Variants in SNTG1 observed in about 807,000 individuals in gnomAD.
SNTG1 encodes the protein gamma-1-syntrophin.
SNTG1 carries 39 observed loss-of-function variants against 74.7 expected under a neutral mutation model. The ratio of observed to expected loss-of-function variants is 0.52; its 90% CI spans 0.40 to 0.68. The LOEUF is 0.68. Ranked by LOEUF, SNTG1 falls within the 30% of genes least tolerant of loss-of-function variation. The probability of loss-of-function intolerance (pLI) is 0.00; values close to 1 mark genes in which losing one functional copy is unlikely to be tolerated. For synonymous variants in SNTG1, 254 were observed against 217.1 expected, an observed-to-expected ratio of 1.17 and a Z score of -1.49; for missense variants, 685 against 609.5, an observed-to-expected ratio of 1.12 and a Z score of -1.30.
chr8:50,181,445 G>A (rs1032330238), intron 2 of SNTG1, among the ~76,000 whole-genome samples: 5 of 152,166 alleles, frequency 3.3e-5, no homozygotes, highest in Non-Finnish European at 5.9e-5. Context: ...GTTAGCACGT[G>A]CATCAGTCCT....
intron 2 of SNTG1, among the ~76,000 whole-genome samples, chr8:50,337,990 G>A (rs1587201690): frequency 6.6e-6 from 1 of 151,976 alleles, no homozygotes; most frequent in South Asian, 2.1e-4. Context: ...CAAAAAGTTA[G>A]CCGGGCTTGG....
At chr8:50,565,910 T>C (rs1186367400) in intron 12 of SNTG1, among the ~76,000 whole-genome samples, 2 of 151,834 alleles carry the variant, frequency 1.3e-5, no homozygotes, top group Non-Finnish European at 2.9e-5. Context: ...GCAGAGGTAA[T>C]AAAAGGTACC....
intron 2 of SNTG1, among the ~76,000 whole-genome samples, chr8:50,199,202 A>T (rs1478444178): frequency 6.7e-6 from 1 of 149,322 alleles, no homozygotes; most frequent in Non-Finnish European, 1.5e-5. Flanking sequence ...AAACACAACG[A>T]TTAGGACTTA....
intron 1 of SNTG1, among the ~76,000 whole-genome samples, chr8:49,949,352 A>C (rs1170804508): frequency 1.3e-5 from 2 of 152,236 alleles, no homozygotes; most frequent in Non-Finnish European, 2.9e-5. Context: ...ATTGAAAATC[A>C]AGATGAATAC....
At position 50,795,592 on chromosome 8, in the gene SNTG1, TGTAA is replaced by T. The variant is rs1356678098; in HGVS notation, c.*2766_*2769del. On this transcript the variant is annotated 3_prime_UTR_variant, in exon 19 of 19. Transcript: ENST00000642720. Reference sequence around the variant, plus strand: ...GTGTGTCTGTGTATGTGTGTGAGTGTGTAAGTGTTATCATTAAAGGGTTCATTAC... The same window carrying T: ...GTGTGTCTGTGTATGTGTGTGAGTGTGTGTTATCATTAAAGGGTTCATTAC... 6.6e-5 allele frequency: 10 copies of T among 152,044 alleles called. No homozygotes were observed. The highest frequency in any genetic ancestry group is 6.6e-4 in the Admixed American group (10 of 15,224). 9.4% of individuals were successfully genotyped at this position (152,044 alleles called of 1,614,324 possible).
intron 5 of SNTG1, among the ~76,000 whole-genome samples, chr8:50,440,559 G>T (rs1293993846): frequency 6.6e-6 from 1 of 152,014 alleles, no homozygotes. Context: ...ATCATTCTAG[G>T]CTAGAAGCAG....
chr8:50,116,862 G>C (rs893514887), intron 1 of SNTG1, among the ~76,000 whole-genome samples: 31 of 152,056 alleles, frequency 2.0e-4, no homozygotes, highest in African/African-American at 7.2e-4. Flanking sequence ...GACTCTACCT[G>C]ACCATGGCAT....
chr8:50,728,704 T>G (rs934203967), intron 17 of SNTG1, among the ~76,000 whole-genome samples: 9 of 152,168 alleles, frequency 5.9e-5, no homozygotes, highest in Admixed American at 2.6e-4. Flanking sequence ...GCATTCTTTA[T>G]GCCAATGACA....
intron 3 of SNTG1, among the ~76,000 whole-genome samples, chr8:50,395,075 T>A (rs148042986): frequency 1.1e-3 from 165 of 152,310 alleles, no homozygotes; most frequent in African/African-American, 3.5e-3. Context: ...TTGTGAAGAC[T>A]GTTACTTTAG....
At chr8:50,135,810 G>A (rs1297599716) in intron 1 of SNTG1, among the ~76,000 whole-genome samples, 1 of 152,130 alleles carries the variant, frequency 6.6e-6, no homozygotes, top group South Asian at 2.1e-4. Context: ...TAGGTAAACT[G>A]CATGTTGCAG....
chr8:50,631,932 C>T (rs948916374), intron 13 of SNTG1, among the ~76,000 whole-genome samples: 4 of 152,160 alleles, frequency 2.6e-5, no homozygotes, highest in African/African-American at 9.7e-5. Context: ...CTCACGTCTG[C>T]TATATTTTAC....
chr8:50,416,265 A>G (rs1304345707), intron 4 of SNTG1, among the ~76,000 whole-genome samples: 1 of 152,164 alleles, frequency 6.6e-6, no homozygotes, highest in Non-Finnish European at 1.5e-5. Flanking sequence ...CTGGATTGCC[A>G]TGGAGGTTAT....
chr8:50,326,036 A>G (rs552816035), intron 2 of SNTG1, among the ~76,000 whole-genome samples: 5 of 152,154 alleles, frequency 3.3e-5, no homozygotes, highest in Non-Finnish European at 7.4e-5. Context: ...ACAATAATTA[A>G]TTTTAAAATG....
chr8:50,174,260 C>A (rs188547000), intron 2 of SNTG1, among the ~76,000 whole-genome samples: 1 of 152,246 alleles, frequency 6.6e-6, no homozygotes, highest in East Asian at 1.9e-4. Context: ...GGGTTGGTTC[C>A]AAGTCTTTGC....
chr8:50,228,883 AT>A lies in SNTG1; in HGVS notation c.-28+56251del, dbSNP rs2085474809. Reference sequence around the variant, plus strand: ...TACATTAAGATATATTTAATGTGTTATTTGTTTAATTCTTGGCTGAAAATAT... The same window carrying A: ...TACATTAAGATATATTTAATGTGTTATTGTTTAATTCTTGGCTGAAAATAT... On this transcript the variant is annotated intron_variant, in intron 2 of 18. Transcript: ENST00000642720. Among the ~76,000 whole-genome samples the A allele has an allele frequency of 2.0e-5, 3 of 151,932 alleles. No individual in the cohort carries two copies. The South Asian group carries it at 6.2e-4, about 31-fold the overall frequency.
chr8:50,555,220 T>C (rs908969598), intron 12 of SNTG1, among the ~76,000 whole-genome samples: 2 of 152,218 alleles, frequency 1.3e-5, no homozygotes, highest in African/African-American at 2.4e-5. Flanking sequence ...TGGAGATCCA[T>C]ATGTCTGTTG....
chr8:50,344,164 T>C (rs1407043254), intron 2 of SNTG1, among the ~76,000 whole-genome samples: 1 of 152,210 alleles, frequency 6.6e-6, no homozygotes, highest in African/African-American at 2.4e-5. Flanking sequence ...TTCATTTTTT[T>C]CTCTGAATCC....
chr8:50,069,119 G>T (rs991569605), intron 1 of SNTG1, among the ~76,000 whole-genome samples: 1 of 152,190 alleles, frequency 6.6e-6, no homozygotes. Flanking sequence ...TAGGGTGACA[G>T]AAAAGGTTTA....
At chr8:50,734,087 T>C (rs893227175) in intron 17 of SNTG1, among the ~76,000 whole-genome samples, 52 of 151,874 alleles carry the variant, frequency 3.4e-4, no homozygotes, top group African/African-American at 1.2e-3. Context: ...AAAATATTTT[T>C]TCCAAAGACT....
Sources: allele counts gnomAD v4.1 joint callset (sites outside exome capture counted in the v4.1 genomes callset), GRCh38; gene constraint gnomAD v4.1.1; transcripts MANE v1.5; gene names NCBI Gene and HGNC (gene_info 2026-07-23, HGNC 2026-07-21).